TMEM178B: variants seen among roughly 807,000 people sequenced by gnomAD.
TMEM178B encodes transmembrane protein 178B.
Under a neutral mutation model 31.0 loss-of-function variants are expected in TMEM178B, and 5 were observed. The observed-to-expected ratio is 0.16, with a 90% CI of 0.08 to 0.34. TMEM178B has a LOEUF of 0.34. Among genes scored for constraint, TMEM178B ranks in the 10% least tolerant of loss-of-function variants. The pLI is 1.00. For synonymous variants in TMEM178B, 164 were observed against 164.0 expected, an observed-to-expected ratio of 1.00 and a Z score of 0.00; for missense variants, 275 against 400.3, an observed-to-expected ratio of 0.69 and a Z score of 2.67.
intron 2 of TMEM178B, among the ~76,000 whole-genome samples, chr7:141,260,229 T>G (rs909287842): frequency 6.6e-6 from 1 of 152,168 alleles, no homozygotes; most frequent in Non-Finnish European, 1.5e-5. Context: ...TCAAGCCAGC[T>G]GCCTTCCTCA....
chr7:141,301,051 CT>C (rs1798716211), intron 2 of TMEM178B, among the ~76,000 whole-genome samples: 1 of 152,176 alleles, frequency 6.6e-6, no homozygotes, highest in South Asian at 2.1e-4. Flanking sequence ...CAGAGGAACA[CT>C]TAACTCTGCT....
At position 141,286,489 on chromosome 7, in the gene TMEM178B, C is replaced by A. The variant is rs1413398934; in HGVS notation, c.496+73785C>A. Among the ~76,000 whole-genome samples the A allele has an allele frequency of 3.3e-5, 5 of 152,292 alleles. No individual in the cohort carries two copies. In the East Asian group the frequency reaches 9.6e-4, roughly 29 times the overall value. On this transcript the variant is annotated intron_variant, in intron 2 of 3. Transcript: ENST00000565468. The stretch of plus-strand genomic sequence containing the variant: ...ATGGTATGGTAACTTAAAGAGCCAG[C>A]TGAAGATAATCATTCACGTGGTAGA...
intron 2 of TMEM178B, among the ~76,000 whole-genome samples, chr7:141,348,784 G>T (rs1363242679): frequency 1.3e-5 from 2 of 152,186 alleles, no homozygotes; most frequent in Non-Finnish European, 2.9e-5. Context: ...TCTGAAAAAG[G>T]ATATCTTTAG....
At chr7:141,313,672 C>T (rs530115587) in intron 2 of TMEM178B, among the ~76,000 whole-genome samples, 1 of 152,202 alleles carries the variant, frequency 6.6e-6, no homozygotes, top group East Asian at 1.9e-4. Flanking sequence ...TGTGTTTTGG[C>T]TGCCCTTTGC....
At chr7:141,429,800 G>T in intron 2 of TMEM178B, 1 of 152,246 alleles carries the variant, frequency 6.6e-6, no homozygotes. Context: ...TGTTGTACAT[G>T]ATAAAAACAT....
At chr7:141,159,921 G>A (rs986279118) in intron 1 of TMEM178B, among the ~76,000 whole-genome samples, 80 of 151,456 alleles carry the variant, frequency 5.3e-4, no homozygotes, top group African/African-American at 1.9e-3. Flanking sequence ...ACACTACCGA[G>A]CTGTTAAAAT....
rs536009043 is a variant in TMEM178B, at chr7:141,413,041, GCTCTAC to G, written c.497-24563_497-24558del. Among the ~76,000 whole-genome samples the G allele has an allele frequency of 9.8e-4, 149 of 152,292 alleles. 5 individuals carry two copies. In the South Asian group the frequency reaches 0.029, roughly 30 times the overall value. ...GTCACAGAGAAGCACAGTTGATTGTGCTCTACCTCAGTGTCATTTTGATCTTCCATG... is the reference window on the plus strand; with the variant it reads ...GTCACAGAGAAGCACAGTTGATTGTGCTCAGTGTCATTTTGATCTTCCATG... On this transcript the variant is annotated intron_variant, in intron 2 of 3. Coordinates refer to ENST00000565468, the MANE Select transcript of TMEM178B (RefSeq NM_001195278.2).
At chr7:141,325,009 A>G (rs1799164591) in intron 2 of TMEM178B, among the ~76,000 whole-genome samples, 1 of 152,064 alleles carries the variant, frequency 6.6e-6, no homozygotes, top group East Asian at 1.9e-4. Context: ...AGTAAGTGTG[A>G]GGGGCCGATG....
chr7:141,460,624 A>G lies in TMEM178B; in HGVS notation c.635-9912A>G, dbSNP rs1370594527. ...TGAGGCCAGCCTCTATGGATGGACC[A>G]GTCCCTGTAGTCGCTTGAGTTGGGA... On this transcript the variant is annotated intron_variant, in intron 3 of 3. Transcript: ENST00000565468. 2.0e-5 allele frequency among the ~76,000 whole-genome samples: 3 copies of G among 152,358 alleles called. No individual in the cohort carries two copies. In the East Asian group the frequency reaches 5.8e-4, roughly 29 times the overall value.
At chr7:141,116,187 C>T (rs928287391) in intron 1 of TMEM178B, among the ~76,000 whole-genome samples, 4 of 152,218 alleles carry the variant, frequency 2.6e-5, no homozygotes, top group East Asian at 1.9e-4. Context: ...ATTTACCTAT[C>T]GAGGTGCCTC....
At chr7:141,153,146 A>G (rs1029213753) in intron 1 of TMEM178B, among the ~76,000 whole-genome samples, 1 of 152,222 alleles carries the variant, frequency 6.6e-6, no homozygotes, top group African/African-American at 2.4e-5. Context: ...TAGTTTCTCT[A>G]TTCACAGATA....
intron 2 of TMEM178B, among the ~76,000 whole-genome samples, chr7:141,375,122 A>G (rs1263052153): frequency 6.6e-6 from 1 of 152,198 alleles, no homozygotes; most frequent in Non-Finnish European, 1.5e-5. Flanking sequence ...CACTTGATTT[A>G]CCGGATGATG....
intron 2 of TMEM178B, among the ~76,000 whole-genome samples, chr7:141,345,101 A>G (rs1367527049): frequency 1.3e-5 from 2 of 152,340 alleles, no homozygotes; most frequent in Non-Finnish European, 2.9e-5. Context: ...CAAGTAAAAA[A>G]TTACAGATAT....
intron 2 of TMEM178B, among the ~76,000 whole-genome samples, chr7:141,265,129 C>G (rs1410209872): frequency 4.6e-5 from 7 of 152,226 alleles, no homozygotes; most frequent in South Asian, 2.1e-4. Context: ...CAACCTGTTA[C>G]AAGTCCCCAT....
intron 2 of TMEM178B, among the ~76,000 whole-genome samples, chr7:141,405,820 G>A (rs1194543231): frequency 6.6e-6 from 1 of 152,188 alleles, no homozygotes; most frequent in East Asian, 1.9e-4. Flanking sequence ...GAGTCTCCTT[G>A]GAGTGGCGAT....
intron 2 of TMEM178B, among the ~76,000 whole-genome samples, chr7:141,411,126 A>T (rs969790300): frequency 6.6e-6 from 1 of 151,512 alleles, no homozygotes; most frequent in African/African-American, 2.4e-5. Flanking sequence ...TGAGGATGAG[A>T]TGGAGAGTTA....
chr7:141,426,192 A>C (rs1473288869), intron 2 of TMEM178B, among the ~76,000 whole-genome samples: 1 of 152,194 alleles, frequency 6.6e-6, no homozygotes, highest in Non-Finnish European at 1.5e-5. Context: ...CTCACCCTAC[A>C]CTATGCCACG....
At chr7:141,460,127 T>C (rs1012879721) in intron 3 of TMEM178B, among the ~76,000 whole-genome samples, 10 of 152,336 alleles carry the variant, frequency 6.6e-5, no homozygotes, top group Admixed American at 6.5e-4. Context: ...TTGTATTACT[T>C]TGTCAGGGAT....
chr7:141,269,562 C>G (rs1167954348), intron 2 of TMEM178B, among the ~76,000 whole-genome samples: 1 of 152,134 alleles, frequency 6.6e-6, no homozygotes, highest in Non-Finnish European at 1.5e-5. Context: ...CTTGATGGAG[C>G]TATGTTGAGA....
Sources: gnomAD v4.1 joint callset for allele counts (sites outside exome capture counted in the v4.1 genomes callset) on GRCh38, gnomAD v4.1.1 for gene constraint, MANE v1.5 for transcripts, NCBI Gene and HGNC (gene_info 2026-07-23, HGNC 2026-07-21) for gene names.